The following JAZF1 variants were observed in gnomAD, a reference collection of about 807,000 sequenced individuals.
JAZF1 encodes the protein JAZF zinc finger 1.
In JAZF1, 8 loss-of-function variants were observed where a neutral mutation model predicts 26.4. The observed-to-expected ratio is 0.30, with a 90% CI of 0.18 to 0.55. The LOEUF is 0.55. Among genes scored for constraint, JAZF1 ranks in the 20% least tolerant of loss-of-function variants. The pLI is 0.94. For missense variants in JAZF1, 199 were observed against 322.0 expected, an observed-to-expected ratio of 0.62 and a Z score of 2.92; for synonymous variants, 126 against 122.3, an observed-to-expected ratio of 1.03 and a Z score of -0.20.
chr7:28,092,860 C>T (rs1162020097), intron 1 of JAZF1, among the ~76,000 whole-genome samples: 3 of 138,700 alleles, frequency 2.2e-5, no homozygotes, highest in Non-Finnish European at 4.6e-5. Context: ...GGCCCTGTTT[C>T]GAAAAAAAAA....
At chr7:27,841,013 A>G (rs1243616567) in intron 3 of JAZF1, 146 bp from the exon 4 acceptor site, 2 of 715,716 alleles carry the variant, frequency 2.8e-6, no homozygotes, top group East Asian at 5.2e-5. Flanking sequence ...AGGGGACTGC[A>G]AACACGGCTA....
At chr7:28,068,439 C>T (rs1300985162) in intron 1 of JAZF1, among the ~76,000 whole-genome samples, 1 of 152,086 alleles carries the variant, frequency 6.6e-6, no homozygotes, top group African/African-American at 2.4e-5. Flanking sequence ...TCAATTATAC[C>T]ATTCACCTAA....
intron 1 of JAZF1, among the ~76,000 whole-genome samples, chr7:28,003,561 A>G (rs544539126): frequency 6.6e-6 from 1 of 152,332 alleles, no homozygotes; most frequent in African/African-American, 2.4e-5. Flanking sequence ...TGTGCGCACA[A>G]CTTCCATCAC....
At chr7:28,030,973 C>T (rs1583519010) in intron 1 of JAZF1, among the ~76,000 whole-genome samples, 1 of 152,284 alleles carries the variant, frequency 6.6e-6, no homozygotes, top group South Asian at 2.1e-4. Context: ...CCAACAAAGG[C>T]ACAGTTGTCA....
At chr7:27,952,219 A>G (rs1785021679) in intron 2 of JAZF1, among the ~76,000 whole-genome samples, 2 of 152,246 alleles carry the variant, frequency 1.3e-5, no homozygotes, top group South Asian at 4.1e-4. Flanking sequence ...ACTACTTTGC[A>G]CAAGGTAGAG....
chr7:28,072,592 T>C (rs1783993546), intron 1 of JAZF1, among the ~76,000 whole-genome samples: 1 of 152,116 alleles, frequency 6.6e-6, no homozygotes, highest in Admixed American at 6.5e-5. Flanking sequence ...CTAGAAGTAA[T>C]TATAAAAATT....
At position 27,978,270 on chromosome 7, in the gene JAZF1, G is replaced by T. The variant is rs558033098; in HGVS notation, c.188+13639C>A. ...CAGAGACAGGATTCGAACCTAAACA[G>T]TCTGACTCCTGCTCCTATACTCTTA... On this transcript the variant is annotated intron_variant, in intron 2 of 4. Coordinates refer to ENST00000283928, the MANE Select transcript of JAZF1 (RefSeq NM_175061.4). Among the ~76,000 whole-genome samples the T allele has an allele frequency of 4.6e-5, 7 of 152,284 alleles. 1 individual carries two copies. Among genetic ancestry groups the T allele is most frequent in the Admixed American group, 4.6e-4 (7 of 15,296 alleles).
intron 1 of JAZF1, among the ~76,000 whole-genome samples, chr7:28,110,615 A>AAAAGG (rs201512210): frequency 0.1 from 13,406 of 128,288 alleles, 1,289 homozygotes; most frequent in Non-Finnish European, 0.14. Flanking sequence ...AAAGGAAAGG[A>AAAAGG]AAAGGAAAGG....
At chr7:27,876,422 C>T (rs1234191095) in intron 3 of JAZF1, among the ~76,000 whole-genome samples, 4 of 152,038 alleles carry the variant, frequency 2.6e-5, no homozygotes, top group Non-Finnish European at 5.9e-5. Flanking sequence ...AGGGGCATAC[C>T]ATCCCTTTCT....
intron 2 of JAZF1, among the ~76,000 whole-genome samples, chr7:27,897,299 C>T (rs1402983205): frequency 1.3e-5 from 2 of 152,180 alleles, no homozygotes; most frequent in African/African-American, 2.4e-5. Context: ...AAAATGTTTA[C>T]ATCTTGCATT....
intron 1 of JAZF1, among the ~76,000 whole-genome samples, chr7:28,112,053 GCAAAGGATA>G (rs1784669295): frequency 6.6e-6 from 1 of 152,126 alleles, no homozygotes; most frequent in South Asian, 2.1e-4. Context: ...TTGACTGGTG[GCAAAGGATA>G]CTTGAAACGT....
chr7:28,025,346 A>G (rs1357756993), intron 1 of JAZF1, among the ~76,000 whole-genome samples: 1 of 152,252 alleles, frequency 6.6e-6, no homozygotes, highest in Non-Finnish European at 1.5e-5. Flanking sequence ...CAGTGTAGGT[A>G]ATACGTTCTC....
chr7:27,932,469 T>A (rs1353721222), intron 2 of JAZF1, among the ~76,000 whole-genome samples: 2 of 152,150 alleles, frequency 1.3e-5, no homozygotes. Context: ...TAGGTGCAGG[T>A]GGAAGAGAGG....
chr7:27,886,341 T>C (rs1562518875), intron 3 of JAZF1, among the ~76,000 whole-genome samples: 1 of 152,218 alleles, frequency 6.6e-6, no homozygotes, highest in Non-Finnish European at 1.5e-5. Flanking sequence ...CCCAGAGTTC[T>C]GGAGGGTCTC....
chr7:28,108,142 T>C (rs1178278871), intron 1 of JAZF1, among the ~76,000 whole-genome samples: 1 of 152,238 alleles, frequency 6.6e-6, no homozygotes, highest in African/African-American at 2.4e-5. Flanking sequence ...ACTATCTTTA[T>C]TGTACCCACT....
intron 2 of JAZF1, among the ~76,000 whole-genome samples, chr7:27,917,276 A>G (rs1784456237): frequency 6.6e-6 from 1 of 152,200 alleles, no homozygotes; most frequent in Non-Finnish European, 1.5e-5. Context: ...ATGGAGGCAC[A>G]GTCTTCTCTA....
intron 1 of JAZF1, among the ~76,000 whole-genome samples, chr7:28,074,213 T>C (rs919930761): frequency 1.3e-5 from 2 of 152,218 alleles, no homozygotes; most frequent in African/African-American, 2.4e-5. Flanking sequence ...AGTGTCACAA[T>C]GTCAGAAGAA....
intron 1 of JAZF1, among the ~76,000 whole-genome samples, chr7:28,080,008 A>G (rs1341374392): frequency 6.6e-6 from 1 of 152,242 alleles, no homozygotes; most frequent in Non-Finnish European, 1.5e-5. Context: ...TAAAGTGTGC[A>G]ATAACATGTC....
chr7:28,175,392 A>C (rs980907190), intron 1 of JAZF1, among the ~76,000 whole-genome samples: 2 of 152,236 alleles, frequency 1.3e-5, no homozygotes, highest in Admixed American at 6.5e-5. Flanking sequence ...GTAGGATTAC[A>C]TATTTATTTA....
Sources: allele counts gnomAD v4.1 joint callset (sites outside exome capture counted in the v4.1 genomes callset), GRCh38; gene constraint gnomAD v4.1.1; transcripts MANE v1.5; gene names NCBI Gene and HGNC (gene_info 2026-07-23, HGNC 2026-07-21).